BCL2L13: variants seen among roughly 807,000 people sequenced by gnomAD.
BCL2L13 encodes BCL2 like 13, also known as bcl-2-like protein 13.
A neutral mutation model predicts 25.8 loss-of-function variants in BCL2L13; 13 were observed. The observed-to-expected ratio is 0.50, with a 90% CI of 0.33 to 0.80. The LOEUF (loss-of-function observed/expected upper bound fraction) is 0.80. BCL2L13 is among the 30% of genes least tolerant of loss of function. The pLI, the probability that BCL2L13 is intolerant of heterozygous loss-of-function variation, is 0.02. For synonymous variants in BCL2L13, 244 were observed against 230.3 expected (o/e 1.06, Z -0.54); for missense variants, 504 against 574.9 (o/e 0.88, Z 1.26).
intron 1 of BCL2L13, among the ~76,000 whole-genome samples, chr22:17,632,752 CTT>C (rs67358246): frequency 2.4e-4 from 30 of 124,314 alleles, no homozygotes; most frequent in Admixed American, 2.5e-4. Context: ...GATTCTTCTT[CTT>C]TTTTTTTTTT....
chr22:17,641,713 C>G (rs2058291285), intron 1 of BCL2L13, among the ~76,000 whole-genome samples: 1 of 152,062 alleles, frequency 6.6e-6, no homozygotes, highest in South Asian at 2.1e-4. Flanking sequence ...CTCCTACCCC[C>G]ACCCTTGGGC....
chr22:17,640,290 G>T (rs1222423969), intron 1 of BCL2L13, among the ~76,000 whole-genome samples: 1 of 152,140 alleles, frequency 6.6e-6, no homozygotes, highest in Non-Finnish European at 1.5e-5. Context: ...TACTAGGAAT[G>T]GTCAGGTACT....
intron 2 of BCL2L13, among the ~76,000 whole-genome samples, chr22:17,656,076 A>G (rs2058844384): frequency 6.6e-6 from 1 of 151,864 alleles, no homozygotes. Context: ...CCCTGCCTCT[A>G]CTAATAATAC....
chr22:17,725,440 C>T (rs1392216638), intron 6 of BCL2L13, among the ~76,000 whole-genome samples: 1 of 152,138 alleles, frequency 6.6e-6, no homozygotes, highest in Non-Finnish European at 1.5e-5. Context: ...ACCCATTCTT[C>T]AGATGTCTGA....
intron 4 of BCL2L13, among the ~76,000 whole-genome samples, chr22:17,690,905 T>C (rs1185213368): frequency 6.6e-6 from 1 of 152,176 alleles, no homozygotes; most frequent in Non-Finnish European, 1.5e-5. Context: ...AGCAGTTGTT[T>C]TCAAAAAGTG....
Position 17,727,122 on chromosome 22 carries a change from T to C in BCL2L13, c.1046T>C (p.Ile349Thr), listed in dbSNP as rs377062475. 84 of 1,614,166 alleles carry C rather than the reference T, an allele frequency of 5.2e-5. 1 individual carries two copies. The highest frequency in any genetic ancestry group is 1.0e-4 in the Admixed American group (6 of 60,022). ...GCCCCAGCTCCCTTGCTTCCACATA[T>C]CACTGCCACCTCCCTGCTGGGGACA... Reference protein sequence around the residue: ...PEAPAPLLPHITATSLLGTRE... With the variant: ...PEAPAPLLPHTTATSLLGTRE... The change falls in exon 7 of 7, where the codon ATC becomes ACC. Residue 349 changes from isoleucine (I) to threonine (T), a missense_variant. Ile to Thr is a moderately conservative substitution (Grantham distance 89). Transcript: ENST00000317582.
rs1267396851 is a variant in BCL2L13 at position 17,659,240 on chromosome 22, T to C, written c.121+3408T>C. ...TTAGCTAGGTATGTTGGCGGATGCC[T>C]GTAGTCCCAGCTACTCTGGAGGCTG... is the stretch of plus-strand genomic sequence containing the variant. On this transcript the variant is annotated intron_variant, in intron 2 of 6. Coordinates refer to ENST00000317582, the MANE Select transcript of BCL2L13 (RefSeq NM_015367.4). Among the ~76,000 whole-genome samples, 3 of 145,788 alleles carry C rather than the reference T, an allele frequency of 2.1e-5. 1 individual carries two copies. The highest frequency in any genetic ancestry group is 4.7e-5 in the Non-Finnish European group (3 of 64,188).
intron 2 of BCL2L13, among the ~76,000 whole-genome samples, chr22:17,672,934 A>C (rs979406451): frequency 1.3e-5 from 2 of 152,184 alleles, no homozygotes; most frequent in Admixed American, 1.3e-4. Context: ...GGGGCAGATG[A>C]CAGATGGCAG....
Position 17,643,775 on chromosome 22 carries a change from G to A in BCL2L13, c.-51+4889G>A, listed in dbSNP as rs530448176. On this transcript the variant is annotated intron_variant, in intron 1 of 6. Transcript: ENST00000317582. ...ACTACAGGCACTCGCCACCATGCCC[G>A]GCTAATTTTTTGTATTTTTAGTAGA... is the stretch of plus-strand genomic sequence containing the variant. 2.6e-5 allele frequency among the ~76,000 whole-genome samples: 4 copies of A among 151,648 alleles called. No homozygotes were observed. In the East Asian group the frequency reaches 7.8e-4, roughly 29 times the overall value.
chr22:17,683,738 GC>G (rs1468494624), intron 3 of BCL2L13, among the ~76,000 whole-genome samples: 1 of 112,338 alleles, frequency 8.9e-6, no homozygotes, highest in African/African-American at 2.7e-5. Flanking sequence ...CAACTTTATA[GC>G]CATTTTATTT....
intron 2 of BCL2L13, among the ~76,000 whole-genome samples, chr22:17,667,798 C>T (rs188064178): frequency 2.0e-5 from 3 of 152,060 alleles, no homozygotes; most frequent in East Asian, 3.9e-4. Flanking sequence ...CGTGAGCCAC[C>T]GCGGGCAGTT....
chr22:17,703,233 C>T (rs983173227), intron 6 of BCL2L13: 3 of 152,052 alleles, frequency 2.0e-5, no homozygotes, highest in African/African-American at 7.2e-5. Context: ...ATGTATGTTT[C>T]AGAACATGTA....
intron 3 of BCL2L13, among the ~76,000 whole-genome samples, chr22:17,685,082 C>T (rs2059884379): frequency 6.6e-6 from 1 of 151,948 alleles, no homozygotes; most frequent in Admixed American, 6.6e-5. Context: ...CCATGTTGCT[C>T]AGGCTGGTCT....
chr22:17,727,129 C>T lies in BCL2L13; in HGVS notation c.1053C>T (p.Ala351=). 1 of 1,614,226 alleles carries T rather than the reference C, an allele frequency of 6.2e-7. No individual in the cohort carries two copies. Among genetic ancestry groups the T allele is most frequent in the Non-Finnish European group, 8.5e-7 (1 of 1,180,052 alleles). ...CTCCCTTGCTTCCACATATCACTGC[C>T]ACCTCCCTGCTGGGGACAAGGGAAC... ...APAPLLPHIT[A]TSLLGTREPD... The change falls in exon 7 of 7, where the codon GCC becomes GCT. Residue 351 remains alanine, a synonymous_variant. Coordinates refer to ENST00000317582, the MANE Select transcript of BCL2L13 (RefSeq NM_015367.4).
chr22:17,678,281 C>T (rs1026268803), intron 2 of BCL2L13, among the ~76,000 whole-genome samples: 2 of 152,000 alleles, frequency 1.3e-5, no homozygotes, highest in African/African-American at 4.8e-5. Context: ...GCCTCGGCCT[C>T]CCAAAGTGCT....
intron 6 of BCL2L13, among the ~76,000 whole-genome samples, chr22:17,722,391 G>A: frequency 6.6e-6 from 1 of 150,852 alleles, no homozygotes; most frequent in South Asian, 2.1e-4. Context: ...GTGTGTGTGT[G>A]TGTGTGTGTG....
At chr22:17,690,010 A>G (rs2060059504) in intron 4 of BCL2L13, among the ~76,000 whole-genome samples, 1 of 152,084 alleles carries the variant, frequency 6.6e-6, no homozygotes. Flanking sequence ...GAAGCTAGTA[A>G]TAAGGAAAGT....
rs200714925 is a variant in BCL2L13, at chr22:17,728,129, C to CCCT, written c.*595_*596insCCT. The CCCT allele has an allele frequency of 6.4e-6, 1 of 155,058 alleles. No individual in the cohort carries two copies. The highest frequency in any genetic ancestry group is 2.6e-5 in the African/African-American group (1 of 38,936). The allele number at this position is 155,058 out of a possible 1,614,324, so 9.6% of individuals were successfully genotyped here. ...CTGCACCCACTCTTTTTTTGCCCCCCGCCCTCATCCTGGAGTGTGAGGGTG... is the reference window on the plus strand; with the variant it reads ...CTGCACCCACTCTTTTTTTGCCCCCCCCTGCCCTCATCCTGGAGTGTGAGGGTG... On this transcript the variant is annotated 3_prime_UTR_variant, in exon 7 of 7. Transcript: ENST00000317582.
intron 6 of BCL2L13, among the ~76,000 whole-genome samples, chr22:17,722,571 C>T (rs552946344): frequency 6.6e-6 from 1 of 152,102 alleles, no homozygotes; most frequent in Non-Finnish European, 1.5e-5. Flanking sequence ...TAAGCTCTTA[C>T]CATGCTTATA....
Sources: allele counts gnomAD v4.1 joint callset (sites outside exome capture counted in the v4.1 genomes callset), GRCh38; gene constraint gnomAD v4.1.1; transcripts MANE v1.5; gene names NCBI Gene and HGNC (gene_info 2026-07-23, HGNC 2026-07-21).